The following KHDRBS2 variants were observed in gnomAD, a reference collection of about 807,000 sequenced individuals.
KHDRBS2 encodes the protein KH domain-containing, RNA-binding, signal transduction-associated protein 2.
In KHDRBS2, 26 loss-of-function variants were observed where a neutral mutation model predicts 44.3. That is an observed-to-expected ratio of 0.59 (90% confidence interval 0.43 to 0.81). The LOEUF (loss-of-function observed/expected upper bound fraction) is 0.81. Among genes scored for constraint, KHDRBS2 ranks in the 40% least tolerant of loss-of-function variants. The pLI is 0.00. For synonymous variants in KHDRBS2, 194 were observed against 151.1 expected (o/e 1.28, Z -2.08); for missense variants, 476 against 433.1 (o/e 1.10, Z -0.88).
the KHDRBS2 span, among the ~76,000 whole-genome samples, chr6:61,639,983 G>A: frequency 6.6e-6 from 1 of 152,006 alleles, no homozygotes. Flanking sequence ...ACCTTGTTTG[G>A]ATTTTGATTT....
At chr6:62,065,226 C>A (rs374646963) in intron 2 of KHDRBS2, among the ~76,000 whole-genome samples, 1 of 152,066 alleles carries the variant, frequency 6.6e-6, no homozygotes, top group Non-Finnish European at 1.5e-5. Flanking sequence ...TCAGTGTGGC[C>A]ATTCCTCAGG....
intron 8 of KHDRBS2, among the ~76,000 whole-genome samples, chr6:61,693,921 C>G (rs1045370399): frequency 6.6e-6 from 1 of 152,128 alleles, no homozygotes; most frequent in Non-Finnish European, 1.5e-5. Context: ...TATTTAAACA[C>G]TTTTTCCAAT....
chr6:61,955,529 C>CGT (rs1173763443), intron 4 of KHDRBS2, among the ~76,000 whole-genome samples: 7 of 30,332 alleles, frequency 2.3e-4, no homozygotes, highest in Admixed American at 3.9e-4. Flanking sequence ...TGTATGTATA[C>CGT]ATGTGTATAT....
chr6:61,545,931 C>T, the KHDRBS2 span, among the ~76,000 whole-genome samples: 28 of 152,168 alleles, frequency 1.8e-4, no homozygotes, highest in African/African-American at 3.4e-4. Context: ...ACCAGAAAGA[C>T]GCATCGCTAT....
At chr6:61,997,208 A>C (rs1777360885) in intron 3 of KHDRBS2, among the ~76,000 whole-genome samples, 1 of 152,218 alleles carries the variant, frequency 6.6e-6, no homozygotes, top group South Asian at 2.1e-4. Context: ...TATTCTTCTT[A>C]AAGTGTAGCT....
intron 3 of KHDRBS2, among the ~76,000 whole-genome samples, chr6:62,018,169 GTCTTGCTCCGTCT>G (rs1781563261): frequency 6.7e-6 from 1 of 149,034 alleles, no homozygotes; most frequent in South Asian, 2.1e-4. Flanking sequence ...TTGAGACGGA[GTCTTGCTCCGTCT>G]CAAAATATAC....
intron 1 of KHDRBS2, among the ~76,000 whole-genome samples, chr6:62,239,477 G>T (rs1834229026): frequency 6.6e-6 from 1 of 152,034 alleles, no homozygotes; most frequent in African/African-American, 2.4e-5. Context: ...GGAGGCTGAG[G>T]CAGAAGAATC....
chr6:61,955,744 GTAGACAGA>G (rs1269841476), intron 4 of KHDRBS2, among the ~76,000 whole-genome samples: 21 of 139,828 alleles, frequency 1.5e-4, no homozygotes, highest in Non-Finnish European at 3.1e-4. Context: ...AGAGAGAGAG[GTAGACAGA>G]CAGAGAGAGA....
chr6:62,026,317 G>A (rs928587302), intron 3 of KHDRBS2, among the ~76,000 whole-genome samples: 6 of 151,492 alleles, frequency 4.0e-5, no homozygotes, highest in African/African-American at 1.5e-4. Context: ...AAAACCGTGA[G>A]AACAGTATAC....
the KHDRBS2 span, among the ~76,000 whole-genome samples, chr6:61,613,459 C>A: frequency 2.6e-5 from 4 of 152,108 alleles, no homozygotes; most frequent in Non-Finnish European, 5.9e-5. Context: ...CACCAGCAGC[C>A]CCGACAGATG....
chr6:62,108,629 T>C (rs1804156641), intron 2 of KHDRBS2, among the ~76,000 whole-genome samples: 1 of 152,184 alleles, frequency 6.6e-6, no homozygotes, highest in South Asian at 2.1e-4. Context: ...ATCATGTTGT[T>C]ATAAAGACAC....
chr6:62,279,246 T>C (rs1281428260), intron 1 of KHDRBS2, among the ~76,000 whole-genome samples: 1 of 152,186 alleles, frequency 6.6e-6, no homozygotes, highest in South Asian at 2.1e-4. Context: ...TTCCTGCATA[T>C]GAATAATTTT....
At chr6:61,685,427 G>C (rs1189343992) in intron 8 of KHDRBS2, among the ~76,000 whole-genome samples, 1 of 151,734 alleles carries the variant, frequency 6.6e-6, no homozygotes, top group Non-Finnish European at 1.5e-5. Context: ...TAAAAAAGGG[G>C]TTTCAAACCA....
chr6:61,894,957 C>CTGTG (rs370645859), intron 5 of KHDRBS2, 124 bp from the exon 6 acceptor site: 4 of 539,520 alleles, frequency 7.4e-6, no homozygotes, highest in African/African-American at 3.9e-5. Context: ...CTCTCTCTCT[C>CTGTG]TGTGTGTGTG....
chr6:61,740,809 T>G (rs1276953977), intron 6 of KHDRBS2, among the ~76,000 whole-genome samples: 2 of 151,934 alleles, frequency 1.3e-5, no homozygotes, highest in Admixed American at 1.3e-4. Context: ...CAGGTAACCG[T>G]GATACGATTA....
chr6:61,721,303 C>T lies in KHDRBS2; in HGVS notation c.893+11379G>A, dbSNP rs568168668. Among the ~76,000 whole-genome samples, 24 of 152,134 alleles carry T rather than the reference C, an allele frequency of 1.6e-4. 1 individual carries two copies. The South Asian group carries it at 5.0e-3, about 32-fold the overall frequency. On this transcript the variant is annotated intron_variant, in intron 7 of 8. Transcript: ENST00000281156. Reference sequence around the variant, plus strand: ...ATATGAACTTTAAAGTAGTTTTTTCCAATTCTGTGAAGAAAGTCACTGGTA... The same window carrying T: ...ATATGAACTTTAAAGTAGTTTTTTCTAATTCTGTGAAGAAAGTCACTGGTA...
At chr6:62,215,588 A>C (rs1484226265) in intron 1 of KHDRBS2, among the ~76,000 whole-genome samples, 2 of 151,870 alleles carry the variant, frequency 1.3e-5, no homozygotes, top group African/African-American at 4.8e-5. Context: ...AAAATAATAC[A>C]TATAATATTT....
At chr6:62,210,060 CT>C (rs1287431103) in intron 1 of KHDRBS2, among the ~76,000 whole-genome samples, 1 of 152,106 alleles carries the variant, frequency 6.6e-6, no homozygotes, top group Non-Finnish European at 1.5e-5. Context: ...ATATATACAT[CT>C]ATCCTACTTG....
chr6:61,980,826 T>C (rs774106144), intron 3 of KHDRBS2, among the ~76,000 whole-genome samples: 4 of 152,218 alleles, frequency 2.6e-5, no homozygotes, highest in Admixed American at 2.6e-4. Flanking sequence ...TGATTAGCTA[T>C]TGCAGAACTT....
Sources: gnomAD v4.1 joint callset for allele counts (sites outside exome capture counted in the v4.1 genomes callset) on GRCh38, gnomAD v4.1.1 for gene constraint, MANE v1.5 for transcripts, NCBI Gene and HGNC (gene_info 2026-07-23, HGNC 2026-07-21) for gene names.